The following KLF17 variants were observed in gnomAD, a reference collection of about 807,000 sequenced individuals.
The protein encoded by KLF17 is KLF transcription factor 17.
KLF17 carries 31 observed loss-of-function variants against 34.2 expected under a neutral mutation model. That is an observed-to-expected ratio of 0.91 (90% CI 0.68 to 1.22). The LOEUF (loss-of-function observed/expected upper bound fraction) is 1.22, where lower values mean the gene tolerates loss of function less well. Among genes scored for constraint, KLF17 ranks in the 50% most tolerant of loss-of-function variants. KLF17 has a pLI of 0.00. For missense variants in KLF17, 478 were observed against 505.2 expected (o/e 0.95, Z 0.52); for synonymous variants, 179 against 186.7 (o/e 0.96, Z 0.34).
At chr1:44,119,269 C>G (rs759948629) in intron 1 of KLF17, among the ~76,000 whole-genome samples, 45 of 151,850 alleles carry the variant, frequency 3.0e-4, no homozygotes, top group Middle Eastern at 3.2e-3. Context: ...GTCGTTTATT[C>G]CAACAATGTT....
At chr1:44,104,380 C>A in the KLF17 span, 2 of 1,037,958 alleles carry the variant, frequency 1.9e-6, no homozygotes, top group Middle Eastern at 2.6e-4. Context: ...TTGCTCCCAG[C>A]CGTCTGCTGC....
the KLF17 span, among the ~76,000 whole-genome samples, chr1:44,060,598 G>A: frequency 9.2e-5 from 14 of 152,232 alleles, no homozygotes; most frequent in African/African-American, 2.2e-4. Context: ...TAATTCAATC[G>A]GAAGGAATTT....
rs1557731745 is a variant in KLF17, at chr1:44,127,638, C to CT, written c.82-1715_82-1714insT. On this transcript the variant is annotated intron_variant, in intron 1 of 3. Coordinates refer to ENST00000372299, the MANE Select transcript of KLF17 (RefSeq NM_173484.4). ...TCTTTTCTTTTCTTTTCTTTTCTTT[C>CT]CTTCTTTCTTTCTTTCTTTCTTTCT... Among the ~76,000 whole-genome samples, 282 of 59,500 alleles carry CT rather than the reference C, an allele frequency of 4.7e-3. 7 individuals are homozygous for CT. The highest frequency in any genetic ancestry group is 6.1e-3 in the Non-Finnish European group (177 of 28,952). The allele number at this position is 59,500 out of a possible 152,430, so 39.0% of individuals were successfully genotyped here.
At chr1:44,080,236 C>CTTTTTTTTT in the KLF17 span, among the ~76,000 whole-genome samples, 1 of 94,140 alleles carries the variant, frequency 1.1e-5, no homozygotes, top group South Asian at 4.5e-4. Context: ...CCCTCTGTGT[C>CTTTTTTTTT]TTTTTTTTTT....
rs771032987 is a variant in KLF17, at chr1:44,133,777, G to T, written c.*540G>T. 6.6e-6 allele frequency: 1 copy of T among 152,242 alleles called. No homozygotes were observed. Among genetic ancestry groups the T allele is most frequent in the South Asian group, 2.1e-4 (1 of 4,836 alleles). 9.4% of individuals were successfully genotyped at this position (152,242 alleles called of 1,614,324 possible). On this transcript the variant is annotated 3_prime_UTR_variant, in exon 4 of 4. Coordinates refer to ENST00000372299, the MANE Select transcript of KLF17 (RefSeq NM_173484.4). ...ACTGCCTTTGTCTGTGTTACTAGTG[G>T]CCCCAGTATACCTGGGATGGACATC... is the stretch of plus-strand genomic sequence containing the variant.
the KLF17 span, among the ~76,000 whole-genome samples, chr1:44,086,312 C>T: frequency 6.6e-6 from 1 of 152,034 alleles, no homozygotes; most frequent in African/African-American, 2.4e-5. Context: ...ACTAAAAGTA[C>T]AAAATTAGCC....
chr1:44,073,051 A>T, the KLF17 span, among the ~76,000 whole-genome samples: 11 of 152,172 alleles, frequency 7.2e-5, no homozygotes, highest in Non-Finnish European at 1.0e-4. Context: ...TGTCAGCAAA[A>T]GCTTATTGTA....
intron 1 of KLF17, among the ~76,000 whole-genome samples, chr1:44,127,725 T>C (rs2088042305): frequency 6.8e-6 from 1 of 147,940 alleles, no homozygotes. Context: ...CTCTTTTCTT[T>C]CTTTCTTCTC....
At chr1:44,119,399 A>C (rs1329231484) in intron 1 of KLF17, among the ~76,000 whole-genome samples, 1 of 143,042 alleles carries the variant, frequency 7.0e-6, no homozygotes, top group Non-Finnish European at 1.6e-5. Flanking sequence ...AGCAGGAAAC[A>C]ACAGGAAAAA....
upstream of KLF17, among the ~76,000 whole-genome samples, chr1:44,116,225 A>G (rs1251296143): frequency 2.0e-5 from 3 of 152,068 alleles, no homozygotes; most frequent in African/African-American, 4.8e-5. Context: ...TAGCCATAGA[A>G]TCATAGCCAC....
At chr1:44,056,606 GA>G in the KLF17 span, among the ~76,000 whole-genome samples, 15 of 152,072 alleles carry the variant, frequency 9.9e-5, no homozygotes, top group Middle Eastern at 3.2e-3. Context: ...CCCTAATTTA[GA>G]AAAAAACTTT....
At chr1:44,069,473 A>T in the KLF17 span, among the ~76,000 whole-genome samples, 3 of 9,340 alleles carry the variant, frequency 3.2e-4, no homozygotes, top group East Asian at 0.037. This position sits in a 1 kb window ranked among gnomAD's most constrained non-coding sequence, Gnocchi z 4.7. Context: ...ACATGGCGAG[A>T]GAGAGAGAGA....
In KLF17 at chr1:44,129,810, C is replaced by G; in HGVS notation, c.539C>G (p.Pro180Arg). ...SHTGNPPVPY[P>R]GLSTVPSDET... ...ACTGGGAACCCTCCAGTGCCTTACC[C>G]TGGCCTCTCGACAGTACCTTCTGAC... is the stretch of plus-strand genomic sequence containing the variant. Residue 180 changes from proline to arginine, a missense_variant, in exon 2 of 4, where the codon CCT becomes CGT. Physicochemically the swap from Pro to Arg is moderately radical, Grantham distance 103 (BLOSUM62 -2). Coordinates refer to ENST00000372299, the MANE Select transcript of KLF17 (RefSeq NM_173484.4). 2.5e-6 allele frequency: 4 copies of G among 1,614,220 alleles called. No individual in the cohort carries two copies. The highest frequency in any genetic ancestry group is 3.4e-6 in the Non-Finnish European group (4 of 1,180,052).
chr1:44,076,811 A>G, the KLF17 span: 1 of 151,110 alleles, frequency 6.6e-6, no homozygotes, highest in African/African-American at 2.4e-5. Flanking sequence ...TGAAACCTCG[A>G]ACTCCTGGGC....
At chr1:44,106,399 A>T in the KLF17 span, 1 of 152,010 alleles carries the variant, frequency 6.6e-6, no homozygotes, top group Admixed American at 6.6e-5. Context: ...GTGAATCCCA[A>T]CTCCCATTGC....
chr1:44,127,951 G>T, intron 1 of KLF17, among the ~76,000 whole-genome samples: 1 of 147,506 alleles, frequency 6.8e-6, no homozygotes. Flanking sequence ...CTTCTCTTTT[G>T]GTTGTCATAT....
chr1:44,129,576 C>G lies in KLF17; in HGVS notation c.305C>G (p.Pro102Arg), dbSNP rs2088077139. 1 of 1,614,068 alleles carries G rather than the reference C, an allele frequency of 6.2e-7. No individual in the cohort carries two copies. Among genetic ancestry groups the G allele is most frequent in the South Asian group, 1.1e-5 (1 of 91,054 alleles). ...PLPERGMSYCPQATLTPSRMI... is the reference protein window; with the variant it reads ...PLPERGMSYCRQATLTPSRMI... ...CCTGAGCGTGGTATGAGCTACTGCC[C>G]CCAAGCGACTCTCACTCCTTCCCGG... The change falls in exon 2 of 4, where the codon CCC becomes CGC. Residue 102 changes from proline (P) to arginine (R), a missense_variant. Transcript: ENST00000372299.
intron 1 of KLF17, among the ~76,000 whole-genome samples, chr1:44,124,753 C>T (rs1472608079): frequency 1.3e-5 from 2 of 152,256 alleles, no homozygotes; most frequent in East Asian, 3.9e-4. Flanking sequence ...ACCTCGGTCT[C>T]CCAAAGTGCT....
At chr1:44,105,268 G>A in the KLF17 span, among the ~76,000 whole-genome samples, 1 of 152,146 alleles carries the variant, frequency 6.6e-6, no homozygotes, top group African/African-American at 2.4e-5. Context: ...TATGGATGAA[G>A]GGCTGCTTTT....
Sources: gnomAD v4.1 joint callset for allele counts (sites outside exome capture counted in the v4.1 genomes callset) on GRCh38, gnomAD v4.1.1 for gene constraint, Gnocchi (gnomAD v3.1) non-coding constraint, MANE v1.5 for transcripts, NCBI Gene and HGNC (gene_info 2026-07-23, HGNC 2026-07-21) for gene names.